HSP90AA1: variants seen among roughly 807,000 people sequenced by gnomAD.
The protein encoded by HSP90AA1 is heat shock protein 90 alpha family class A member 1, also known as heat shock protein HSP 90-alpha.
A neutral mutation model predicts 73.3 loss-of-function variants in HSP90AA1; 18 were observed. The observed-to-expected ratio is 0.25, with a 90% CI of 0.17 to 0.36. The LOEUF (loss-of-function observed/expected upper bound fraction) is 0.36, where lower values mean the gene tolerates loss of function less well. HSP90AA1 is among the 10% of genes least tolerant of loss of function. The pLI is 1.00. For missense variants in HSP90AA1, 704 were observed against 874.2 expected (o/e 0.81, Z 2.45); for synonymous variants, 477 against 296.9 (o/e 1.61, Z -6.24).
chr14:102,139,168 C>A (rs1436990455), intron 1 of HSP90AA1: 1 of 1,512,724 alleles, frequency 6.6e-7, no homozygotes, highest in African/African-American at 1.4e-5. Context: ...TTGAGAACAC[C>A]TATGCTGTAC....
At chr14:102,116,438 G>A (rs574349697) in intron 1 of HSP90AA1, among the ~76,000 whole-genome samples, 5 of 152,330 alleles carry the variant, frequency 3.3e-5, no homozygotes, top group South Asian at 4.1e-4. Context: ...CAGCCACAGC[G>A]GGGAGGTGCA....
chr14:102,111,880 GT>G (rs2049647009), intron 1 of HSP90AA1, among the ~76,000 whole-genome samples: 1 of 152,222 alleles, frequency 6.6e-6, no homozygotes, highest in Non-Finnish European at 1.5e-5. Flanking sequence ...ATGGTTTTCA[GT>G]GGTGGTGTTT....
Position 102,086,045 on chromosome 14 carries a change from A to G in HSP90AA1, c.242T>C (p.Ile81Thr), listed in dbSNP as rs762579687. The change falls in exon 3 of 11, where the codon ATA becomes ACA. Residue 81 changes from isoleucine to threonine, a missense_variant. Transcript: ENST00000216281. ...DSGKELHINL[I>T]PNKQDRTLTI... ...GAGAGTTCGATCTTGTTTGTTCGGT[A>G]TAAGGTTAATATGCAGCTCTTTCCC... The G allele has an allele frequency of 6.8e-6, 11 of 1,613,962 alleles. No individual in the cohort carries two copies. The highest frequency in any genetic ancestry group is 1.3e-5 in the African/African-American group (1 of 75,040).
upstream of HSP90AA1, among the ~76,000 whole-genome samples, chr14:102,087,469 G>C (rs1035951972): frequency 6.6e-6 from 1 of 151,986 alleles, no homozygotes; most frequent in African/African-American, 2.4e-5. Flanking sequence ...AGCGGAACGC[G>C]GGGCCGGGGT....
At chr14:102,114,230 C>T (rs1176265715) in intron 1 of HSP90AA1, among the ~76,000 whole-genome samples, 1 of 152,014 alleles carries the variant, frequency 6.6e-6, no homozygotes, top group African/African-American at 2.4e-5. Flanking sequence ...CTCAAGTGAT[C>T]CGCCCACCTC....
chr14:102,103,537 C>T (rs1243094892), intron 1 of HSP90AA1, among the ~76,000 whole-genome samples: 1 of 151,934 alleles, frequency 6.6e-6, no homozygotes, highest in Non-Finnish European at 1.5e-5. Flanking sequence ...GGTGTGGTGG[C>T]TCATGCCTGT....
At chr14:102,109,887 T>G (rs2049616092) in intron 1 of HSP90AA1, among the ~76,000 whole-genome samples, 1 of 152,172 alleles carries the variant, frequency 6.6e-6, no homozygotes, top group Admixed American at 6.5e-5. Flanking sequence ...CGAAATGGTC[T>G]CAGATGGAGA....
intron 1 of HSP90AA1, 56 bp from the exon 2 acceptor site, chr14:102,086,434 G>A (rs1379499216): frequency 8.2e-6 from 13 of 1,582,928 alleles, no homozygotes; most frequent in East Asian, 4.5e-5. Context: ...GAGGCAACAC[G>A]AAATTCCATC....
chr14:102,125,632 T>C (rs1386917609), intron 1 of HSP90AA1, among the ~76,000 whole-genome samples: 2 of 151,994 alleles, frequency 1.3e-5, no homozygotes, highest in African/African-American at 4.8e-5. Context: ...GCATGAGTAA[T>C]GTGACCTAAG....
intron 6 of HSP90AA1, 139 bp from the exon 7 acceptor site, chr14:102,084,122 G>A (rs1302106268): frequency 1.3e-5 from 10 of 788,636 alleles, no homozygotes; most frequent in Non-Finnish European, 2.1e-5. Flanking sequence ...CAGGCTGGAG[G>A]GCAGTGGCGC....
At chr14:102,139,662 G>C (rs984538672) in exon 1 of HSP90AA1, 4 of 650,002 alleles carry the variant, frequency 6.2e-6, no homozygotes, top group Admixed American at 3.0e-5. Context: ...CTGGGAAGCA[G>C]CCATGCCGCC....
chr14:102,082,872 G>T, intron 9 of HSP90AA1, 162 bp downstream of exon 9: 1 of 732,280 alleles, frequency 1.4e-6, no homozygotes, highest in Non-Finnish European at 2.4e-6. Context: ...CGCTGCCTCA[G>T]CCTCCCAAAG....
At chr14:102,089,590 G>A (rs2049325397), upstream of HSP90AA1, among the ~76,000 whole-genome samples, 1 of 152,056 alleles carries the variant, frequency 6.6e-6, no homozygotes, top group Non-Finnish European at 1.5e-5. Flanking sequence ...TTGCCCCCAG[G>A]AAATCTTGTC....
rs1555361783 is a variant in HSP90AA1, at chr14:102,084,034, G to GTA, written c.1148-53_1148-52dup. Reference sequence around the variant, plus strand: ...CTGAGTCATTCCAAGGACAAAACTGGTACTATGTAAACTCCCAAAATCAAA... The same window carrying GTA: ...CTGAGTCATTCCAAGGACAAAACTGGTATACTATGTAAACTCCCAAAATCAAA... On this transcript the variant is annotated intron_variant, in intron 6 of 10. Coordinates refer to ENST00000216281, the MANE Select transcript of HSP90AA1 (RefSeq NM_005348.4). 2.2e-6 allele frequency: 3 copies of GTA among 1,363,316 alleles called. No individual in the cohort carries two copies. In the South Asian group the frequency reaches 3.5e-5, roughly 16 times the overall value. The allele number at this position is 1,363,316 out of a possible 1,614,324, so 84.5% of individuals were successfully genotyped here. A position where few individuals can be genotyped will look rare whatever the true frequency, so the allele number is the denominator to read the frequency against.
In HSP90AA1 at chr14:102,083,780, T is replaced by C; in HGVS notation, c.1338+13A>G. 1.2e-6 allele frequency: 2 copies of C among 1,608,662 alleles called. No homozygotes were observed. Among genetic ancestry groups the C allele is most frequent in the Non-Finnish European group, 1.7e-6 (2 of 1,176,650 alleles). On this transcript the variant is annotated intron_variant, in intron 7 of 10. Coordinates refer to ENST00000216281, the MANE Select transcript of HSP90AA1 (RefSeq NM_005348.4). ...AGAGGCCAATTGGAAAACTAATGGTTATTTACACCAACCTTTATGTTTTTA... is the reference window on the plus strand; with the variant it reads ...AGAGGCCAATTGGAAAACTAATGGTCATTTACACCAACCTTTATGTTTTTA...
At chr14:102,109,436 C>G (rs1339181020) in intron 1 of HSP90AA1, among the ~76,000 whole-genome samples, 1 of 152,152 alleles carries the variant, frequency 6.6e-6, no homozygotes, top group Non-Finnish European at 1.5e-5. Context: ...GTGCTATTCT[C>G]ATGATAGTGA....
chr14:102,083,418 AG>A (rs1293320977), intron 8 of HSP90AA1, 116 bp from the exon 9 acceptor site: 3 of 1,423,626 alleles, frequency 2.1e-6, no homozygotes, highest in Non-Finnish European at 2.0e-6. Context: ...AAAATGACCT[AG>A]TTCATGTTAA....
chr14:102,118,657 A>T (rs1263432995), intron 1 of HSP90AA1, among the ~76,000 whole-genome samples: 3 of 152,180 alleles, frequency 2.0e-5, no homozygotes, highest in Non-Finnish European at 2.9e-5. Flanking sequence ...TAATATTAAT[A>T]ACATTTTAAA....
intron 4 of HSP90AA1, 57 bp from the exon 5 acceptor site, chr14:102,085,055 G>C (rs1054044734): frequency 6.2e-7 from 1 of 1,612,536 alleles, no homozygotes; most frequent in Non-Finnish European, 8.5e-7. Context: ...AAGCGACAGC[G>C]CTGCACCACT....
Sources: gnomAD v4.1 joint callset for allele counts (sites outside exome capture counted in the v4.1 genomes callset) on GRCh38, gnomAD v4.1.1 for gene constraint, MANE v1.5 for transcripts, NCBI Gene and HGNC (gene_info 2026-07-23, HGNC 2026-07-21) for gene names.